The following SNX6 variants were observed in gnomAD, a reference collection of about 807,000 sequenced individuals.
SNX6 encodes the protein sorting nexin 6.
In SNX6, 34 loss-of-function variants were observed where a neutral mutation model predicts 63.0. That is an observed-to-expected ratio of 0.54 (90% CI 0.41 to 0.72). SNX6 has a LOEUF of 0.72. Ranked by LOEUF, SNX6 falls within the 30% of genes least tolerant of loss-of-function variation. SNX6 has a pLI of 0.00. For missense variants in SNX6, 398 were observed against 471.4 expected (o/e 0.84, Z 1.44); for synonymous variants, 170 against 164.2 (o/e 1.04, Z -0.27).
At chr14:34,575,658 ATAT>A in intron 11 of SNX6, 95 bp downstream of exon 11, 1 of 541,756 alleles carries the variant, frequency 1.8e-6, no homozygotes, top group South Asian at 2.2e-5. Context: ...ATTTAAAATC[ATAT>A]AAAGGAGATA....
In SNX6 at chr14:34,575,761, C is replaced by T. The variant is rs771008312; in HGVS notation, c.916G>A (p.Ala306Thr). Residue 306 changes from alanine (A) to threonine (T), a missense_variant, in exon 11 of 14, where the codon GCT (alanine) becomes ACT (threonine). Coordinates refer to ENST00000362031, the MANE Select transcript of SNX6 (RefSeq NM_152233.4). ...LKYYLRESQA[A>T]KDLLYRRSRS... ...TAAAAAAAGATTAAAATTACCTTAGCAGCTTGAGATTCTCTTAAGTAATAT... is the reference window on the plus strand; with the variant it reads ...TAAAAAAAGATTAAAATTACCTTAGTAGCTTGAGATTCTCTTAAGTAATAT... 2.6e-6 allele frequency: 4 copies of T among 1,562,612 alleles called. No homozygotes were observed. The African/African-American group carries it at 4.1e-5, about 16-fold the overall frequency.
intron 2 of SNX6, among the ~76,000 whole-genome samples, chr14:34,611,932 C>T (rs1295474652): frequency 2.0e-5 from 3 of 152,130 alleles, no homozygotes; most frequent in South Asian, 4.1e-4. Context: ...GCACCCACCA[C>T]CACGCCTGGC....
At chr14:34,602,975 C>CAAA (rs755501321) in intron 6 of SNX6, among the ~76,000 whole-genome samples, 3 of 92,268 alleles carry the variant, frequency 3.3e-5, no homozygotes, top group Non-Finnish European at 4.5e-5. Context: ...GACTCCGTCT[C>CAAA]AAAAAAAAAA....
Position 34,629,927 on chromosome 14 carries a change from G to A in SNX6, c.34C>T (p.Leu12Phe). The A allele has an allele frequency of 6.4e-7, 1 of 1,552,202 alleles. No individual in the cohort carries two copies. The change falls in exon 2 of 14, where the codon CTC becomes TTC. Residue 12 changes from leucine (L) to phenylalanine (F), a missense_variant. Physicochemically the swap from Leu to Phe is conservative, Grantham distance 22. Transcript: ENST00000362031. ...MEGLDDGPDF[L>F]SEEDRGLKAI... ...CTTACTCCGCGGTCCTCTTCTGAGA[G>A]GAAGTCCGGGCCGTCGTCCAGGCCT...
chr14:34,626,290 G>A (rs1566496783), intron 2 of SNX6, among the ~76,000 whole-genome samples: 1 of 151,944 alleles, frequency 6.6e-6, no homozygotes. Flanking sequence ...TTCATCTACA[G>A]GATTCTATAA....
chr14:34,568,634 G>GTTTTTT, intron 11 of SNX6: 1 of 625,078 alleles, frequency 1.6e-6, no homozygotes, highest in Non-Finnish European at 2.8e-6. Flanking sequence ...CACTCAGCCT[G>GTTTTTT]TTTTTTTTTT....
intron 2 of SNX6, among the ~76,000 whole-genome samples, chr14:34,620,065 G>T (rs1214482521): frequency 6.6e-6 from 1 of 152,118 alleles, no homozygotes; most frequent in African/African-American, 2.4e-5. Flanking sequence ...CTAGAGAAAA[G>T]TCACCATTGT....
At chr14:34,618,366 G>GT (rs1018844967) in intron 2 of SNX6, among the ~76,000 whole-genome samples, 2 of 151,716 alleles carry the variant, frequency 1.3e-5, no homozygotes, top group South Asian at 2.1e-4. Flanking sequence ...TTTTGGGGAG[G>GT]GGGGGATGGA....
intron 6 of SNX6, among the ~76,000 whole-genome samples, chr14:34,600,324 C>T (rs992929957): frequency 6.6e-5 from 10 of 152,240 alleles, no homozygotes; most frequent in Non-Finnish European, 1.3e-4. Flanking sequence ...AGGGGTTTCA[C>T]CATGTTGCCC....
In SNX6 at chr14:34,593,927, G is replaced by A. The variant is rs2138323107; in HGVS notation, c.613-777C>T. Among the ~76,000 whole-genome samples, 2 of 151,974 alleles carry A rather than the reference G, an allele frequency of 1.3e-5. 1 individual carries two copies. Among genetic ancestry groups the A allele is most frequent in the East Asian group, 3.9e-4 (2 of 5,170 alleles). Reference sequence around the variant, plus strand: ...GACAGGGTTTCGCCATGTTGGCCAGGCTGGTCTCAAGTTTCTGACCTCAAG... The same window carrying A: ...GACAGGGTTTCGCCATGTTGGCCAGACTGGTCTCAAGTTTCTGACCTCAAG... On this transcript the variant is annotated intron_variant, in intron 7 of 13. Transcript: ENST00000362031.
chr14:34,627,025 T>C (rs949738230), intron 2 of SNX6, among the ~76,000 whole-genome samples: 3 of 152,158 alleles, frequency 2.0e-5, no homozygotes, highest in African/African-American at 7.2e-5. Flanking sequence ...ATTTTAAAAA[T>C]TTTTTTAGAG....
At chr14:34,630,074 C>G in intron 1 of SNX6, 37 bp downstream of exon 1, 1 of 1,455,686 alleles carries the variant, frequency 6.9e-7, no homozygotes, top group African/African-American at 1.5e-5. Flanking sequence ...CTGCCCCCAC[C>G]GCGCTCCCGG....
rs756990794 is a variant in SNX6, at chr14:34,605,737, C to G, written c.271-20G>C. 6.3e-7 allele frequency: 1 copy of G among 1,583,054 alleles called. No homozygotes were observed. The highest frequency in any genetic ancestry group is 8.5e-7 in the Non-Finnish European group (1 of 1,171,742). ...TGGAATCTGTAACAGGACCAAATGACTAATTTTAAGGAAATTTTCATTTCT... is the reference window on the plus strand; with the variant it reads ...TGGAATCTGTAACAGGACCAAATGAGTAATTTTAAGGAAATTTTCATTTCT... On this transcript the variant is annotated intron_variant, in intron 4 of 13. Coordinates refer to ENST00000362031, the MANE Select transcript of SNX6 (RefSeq NM_152233.4).
At position 34,583,897 on chromosome 14, in the gene SNX6, G is replaced by A. The variant is rs528865798; in HGVS notation, c.795-2297C>T. On this transcript the variant is annotated intron_variant, in intron 9 of 13. Coordinates refer to ENST00000362031, the MANE Select transcript of SNX6 (RefSeq NM_152233.4). ...AGTTTCTCTCTTGTTGCCAAGGCTA[G>A]AGTACAATGGCGCAATCTCGGCTCA... 6.7e-5 allele frequency among the ~76,000 whole-genome samples: 10 copies of A among 150,048 alleles called. No homozygotes were observed. In the South Asian group the frequency reaches 2.1e-3, roughly 31 times the overall value.
chr14:34,607,641 C>T (rs1883073282), intron 4 of SNX6, among the ~76,000 whole-genome samples: 1 of 151,802 alleles, frequency 6.6e-6, no homozygotes, highest in Non-Finnish European at 1.5e-5. Context: ...GGCACGGTGG[C>T]TCACGCCTGT....
intron 8 of SNX6, among the ~76,000 whole-genome samples, chr14:34,588,491 T>C (rs1187854849): frequency 1.3e-5 from 2 of 152,120 alleles, no homozygotes; most frequent in African/African-American, 4.8e-5. Context: ...GCTCAAGCGA[T>C]CCACCCACCT....
chr14:34,582,130 A>ATT lies in SNX6; in HGVS notation c.795-532_795-531dup, dbSNP rs1289997311. On this transcript the variant is annotated intron_variant, in intron 9 of 13. Transcript: ENST00000362031. ...GTGTGAGCCACCACGCCCGGCCCTG[A>ATT]TTTTTTTTTTTTTTTTTTTGAGTCA... 5.3e-3 allele frequency among the ~76,000 whole-genome samples: 615 copies of ATT among 115,376 alleles called. 7 individuals carry two copies. Among genetic ancestry groups the ATT allele is most frequent in the Non-Finnish European group, 6.8e-3 (382 of 56,476 alleles). The allele number at this position is 115,376 out of a possible 152,430, so 75.7% of individuals were successfully genotyped here.
chr14:34,603,515 T>C (rs1295454682), intron 5 of SNX6, 44 bp from the exon 6 acceptor site: 1 of 1,497,996 alleles, frequency 6.7e-7, no homozygotes, highest in Non-Finnish European at 8.9e-7. Context: ...CTCCATCAAC[T>C]AAAAAGTCAC....
At chr14:34,593,592 A>G (rs1332605758) in intron 7 of SNX6, among the ~76,000 whole-genome samples, 1 of 125,268 alleles carries the variant, frequency 8.0e-6, no homozygotes, top group East Asian at 2.3e-4. Context: ...TTTTTTTTTT[A>G]GGCAAAGTCT....
Sources: gnomAD v4.1 joint callset for allele counts (sites outside exome capture counted in the v4.1 genomes callset) on GRCh38, gnomAD v4.1.1 for gene constraint, MANE v1.5 for transcripts, NCBI Gene and HGNC (gene_info 2026-07-23, HGNC 2026-07-21) for gene names.